Variants in SBF2 observed in about 807,000 individuals in gnomAD.
SBF2 encodes the protein myotubularin-related protein 13.
A neutral mutation model predicts 225.2 loss-of-function variants in SBF2; 112 were observed. The observed-to-expected ratio is 0.50, with a 90% CI of 0.43 to 0.58. SBF2 has a LOEUF of 0.58. SBF2 is among the 20% of genes least tolerant of loss of function. The pLI, the probability that SBF2 is intolerant of heterozygous loss-of-function variation, is 0.00. For synonymous variants in SBF2, 763 were observed against 773.3 expected, an observed-to-expected ratio of 0.99 and a Z score of 0.22; for missense variants, 1,996 against 2,206.2, an observed-to-expected ratio of 0.90 and a Z score of 1.91.
intron 1 of SBF2, among the ~76,000 whole-genome samples, chr11:10,230,429 GTT>G (rs1297576299): frequency 2.0e-5 from 3 of 152,220 alleles, no homozygotes; most frequent in Non-Finnish European, 4.4e-5. Flanking sequence ...AATTTGGCAT[GTT>G]TTTGCAGTGG....
At chr11:10,236,409 G>A (rs911932611) in intron 1 of SBF2, among the ~76,000 whole-genome samples, 11 of 152,196 alleles carry the variant, frequency 7.2e-5, no homozygotes, top group African/African-American at 2.2e-4. Flanking sequence ...CCTACTGTGA[G>A]CTATGATTAC....
intron 2 of SBF2, among the ~76,000 whole-genome samples, chr11:10,064,887 G>T (rs1950576377): frequency 1.3e-5 from 2 of 152,096 alleles, no homozygotes; most frequent in Non-Finnish European, 2.9e-5. Context: ...AAATAGTGAG[G>T]ATATAGACGA....
chr11:9,808,379 A>AT, intron 31 of SBF2, 194 bp from the exon 32 acceptor site: 1 of 618,892 alleles, frequency 1.6e-6, no homozygotes, highest in Non-Finnish European at 2.9e-6. Context: ...GCTCAAATTC[A>AT]TTTTGGCTAC....
intron 16 of SBF2, among the ~76,000 whole-genome samples, chr11:9,952,441 CTGA>C (rs1187352825): frequency 6.6e-6 from 1 of 152,100 alleles, no homozygotes; most frequent in Non-Finnish European, 1.5e-5. Flanking sequence ...GCAGAGATAC[CTGA>C]TGTTACTAAT....
At chr11:9,995,144 T>C (rs1003854134) in intron 9 of SBF2, among the ~76,000 whole-genome samples, 1 of 151,662 alleles carries the variant, frequency 6.6e-6, no homozygotes, top group Non-Finnish European at 1.5e-5. Context: ...AGTGCAAAAA[T>C]ATATAAAGTG....
chr11:9,784,481 T>G, intron 37 of SBF2, 43 bp from the exon 38 acceptor site: 1 of 1,427,094 alleles, frequency 7.0e-7, no homozygotes, highest in South Asian at 1.1e-5. Context: ...GATTTACACT[T>G]ACAAAATGCT....
chr11:10,118,334 C>T (rs577178739), intron 2 of SBF2, among the ~76,000 whole-genome samples: 1 of 152,086 alleles, frequency 6.6e-6, no homozygotes, highest in Non-Finnish European at 1.5e-5. Flanking sequence ...TAAAGTACAA[C>T]AAAGAAAAAA....
intron 13 of SBF2, among the ~76,000 whole-genome samples, chr11:9,983,073 C>T (rs1242783132): frequency 6.6e-6 from 1 of 151,350 alleles, no homozygotes; most frequent in Admixed American, 6.6e-5. Context: ...TGAGAAGCCC[C>T]GGGGGTGGTG....
chr11:9,838,392 T>C (rs539617549), intron 26 of SBF2: 4 of 152,306 alleles, frequency 2.6e-5, no homozygotes, highest in African/African-American at 9.6e-5. Flanking sequence ...GCTGGCATAA[T>C]TTTGATAGCA....
intron 28 of SBF2, among the ~76,000 whole-genome samples, chr11:9,817,704 A>G (rs1259943440): frequency 6.7e-6 from 1 of 149,118 alleles, no homozygotes; most frequent in African/African-American, 2.5e-5. Context: ...CAGGAGTTTG[A>G]AACCAGCCTG....
chr11:10,238,073 T>C (rs1959148506), intron 1 of SBF2, among the ~76,000 whole-genome samples: 1 of 152,190 alleles, frequency 6.6e-6, no homozygotes. Context: ...CCTATCAGAT[T>C]CTAAAGTACA....
At chr11:10,127,637 C>A (rs888577771) in intron 2 of SBF2, among the ~76,000 whole-genome samples, 2 of 152,214 alleles carry the variant, frequency 1.3e-5, no homozygotes, top group Admixed American at 6.5e-5. Context: ...TTTGACTACA[C>A]TTTTTAGAAT....
rs1256336753 is a variant in SBF2 at position 9,812,758 on chromosome 11, AGAG to A, written c.3979-53_3979-51del. ...AGGCAGATGAAGTGCTATAGGTAAAAGAGTGATGTTTCCAATGGGGCAGTGCAT... is the reference window on the plus strand; with the variant it reads ...AGGCAGATGAAGTGCTATAGGTAAAATGATGTTTCCAATGGGGCAGTGCAT... On this transcript the variant is annotated intron_variant, in intron 29 of 39. Coordinates refer to ENST00000256190, the MANE Select transcript of SBF2 (RefSeq NM_030962.4). 61 of 1,590,422 alleles carry A rather than the reference AGAG, an allele frequency of 3.8e-5. No homozygotes were observed. The East Asian group carries it at 1.3e-3, about 34-fold the overall frequency.
intron 2 of SBF2, among the ~76,000 whole-genome samples, chr11:10,140,397 T>C (rs1251581793): frequency 6.6e-6 from 1 of 152,184 alleles, no homozygotes; most frequent in African/African-American, 2.4e-5. Context: ...TAATCAATCA[T>C]GCCTACACAA....
chr11:9,843,540 A>G (rs1312250690), intron 24 of SBF2, among the ~76,000 whole-genome samples: 1 of 152,230 alleles, frequency 6.6e-6, no homozygotes, highest in Non-Finnish European at 1.5e-5. Context: ...CTGACTAATC[A>G]GATGGAGGTG....
chr11:10,290,795 T>C (rs1964112805), intron 1 of SBF2, among the ~76,000 whole-genome samples: 1 of 152,114 alleles, frequency 6.6e-6, no homozygotes, highest in Non-Finnish European at 1.5e-5. Flanking sequence ...AATATAGATA[T>C]AAATGCATAT....
intron 32 of SBF2, among the ~76,000 whole-genome samples, chr11:9,797,803 T>C (rs1853219922): frequency 6.6e-6 from 1 of 152,162 alleles, no homozygotes; most frequent in Non-Finnish European, 1.5e-5. Flanking sequence ...ACCTTTTCTC[T>C]ACAAAAATTA....
intron 2 of SBF2, among the ~76,000 whole-genome samples, chr11:10,080,447 G>T (rs979374023): frequency 6.6e-6 from 1 of 150,944 alleles, no homozygotes; most frequent in Non-Finnish European, 1.5e-5. Context: ...AAACACAAAA[G>T]TATAAAACTC....
chr11:10,286,202 T>C (rs761131558), intron 1 of SBF2, among the ~76,000 whole-genome samples: 2 of 150,660 alleles, frequency 1.3e-5, no homozygotes, highest in South Asian at 2.1e-4. Flanking sequence ...ACACGGTAAC[T>C]ATGTGAAGTG....
Sources: allele counts gnomAD v4.1 joint callset (sites outside exome capture counted in the v4.1 genomes callset), GRCh38; gene constraint gnomAD v4.1.1; transcripts MANE v1.5; gene names NCBI Gene and HGNC (gene_info 2026-07-23, HGNC 2026-07-21).